FNDC8: variants seen among roughly 807,000 people sequenced by gnomAD.
FNDC8 encodes the protein fibronectin type III domain-containing protein 8.
In FNDC8, 23 loss-of-function variants were observed where a neutral mutation model predicts 24.8. The observed-to-expected ratio is 0.93, with a 90% confidence interval of 0.67 to 1.31. The LOEUF (loss-of-function observed/expected upper bound fraction) is 1.31. Among genes scored for constraint, FNDC8 ranks in the 40% most tolerant of loss-of-function variants. FNDC8 has a pLI of 0.00. For synonymous variants in FNDC8, 158 were observed against 165.3 expected, an observed-to-expected ratio of 0.96 and a Z score of 0.34; for missense variants, 371 against 398.2, an observed-to-expected ratio of 0.93 and a Z score of 0.58.
At position 35,124,328 on chromosome 17, in the gene FNDC8, G is replaced by A. The variant is rs191665748; in HGVS notation, c.209+2426G>A. The stretch of plus-strand genomic sequence containing the variant: ...GCAGACCACGAGGTCAAGAGATCGA[G>A]ACCATCCTGGCCAACATGGTGAAAC... On this transcript the variant is annotated intron_variant, in intron 1 of 3. Coordinates refer to ENST00000158009, the MANE Select transcript of FNDC8 (RefSeq NM_017559.4). Among the ~76,000 whole-genome samples the A allele has an allele frequency of 4.4e-3, 666 of 152,212 alleles. 1 individual carries two copies. The highest frequency in any genetic ancestry group is 7.3e-3 in the Non-Finnish European group (496 of 68,010).
At position 35,122,182 on chromosome 17, in the gene FNDC8, ATATATATATATATATATATATATAT is replaced by A. The variant is rs1262757319; in HGVS notation, c.209+281_209+305del. 6.7e-3 allele frequency among the ~76,000 whole-genome samples: 173 copies of A among 25,712 alleles called. 9 individuals are homozygous for A. Among genetic ancestry groups the A allele is most frequent in the East Asian group, 0.024 (18 of 754 alleles). The allele number at this position is 25,712 out of a possible 152,430, so 16.9% of individuals were successfully genotyped here. A position where few individuals can be genotyped will look rare whatever the true frequency, so the allele number is the denominator to read the frequency against. ...CATATATATATATATATATATATAT[ATATATATATATATATATATATATAT>A]AAATTTTTTTTTTTGGTAGAAACGG... is the stretch of plus-strand genomic sequence containing the variant. On this transcript the variant is annotated intron_variant, in intron 1 of 3. Coordinates refer to ENST00000158009, the MANE Select transcript of FNDC8 (RefSeq NM_017559.4).
At chr17:35,128,542 C>G (rs937603007) in intron 2 of FNDC8, among the ~76,000 whole-genome samples, 1 of 152,222 alleles carries the variant, frequency 6.6e-6, no homozygotes, top group African/African-American at 2.4e-5. Context: ...GGTTTGAACA[C>G]TGGCTGTCAC....
Position 35,129,234 on chromosome 17 carries a change from G to C in FNDC8, c.586-188G>C. ...AAAGTGGGTGGGGCTGCCCAGGAGA[G>C]TAGTACATGCTTCGGGGCAGGGGTT... is the stretch of plus-strand genomic sequence containing the variant. On this transcript the variant is annotated intron_variant, in intron 2 of 3. Transcript: ENST00000158009. 4.2e-6 allele frequency: 3 copies of C among 711,684 alleles called. No homozygotes were observed. The South Asian group carries it at 5.3e-5, about 12-fold the overall frequency. The allele number at this position is 711,684 out of a possible 1,614,324, so 44.1% of individuals were successfully genotyped here.
At chr17:35,130,188 C>A (rs1203708974) in intron 3 of FNDC8, 94 bp from the exon 4 acceptor site, 67 of 1,521,060 alleles carry the variant, frequency 4.4e-5, no homozygotes, top group Non-Finnish European at 5.7e-5. Flanking sequence ...AGGTCTGAGT[C>A]AGCAGACAGA....
At position 35,127,133 on chromosome 17, in the gene FNDC8, G is replaced by A. The variant is rs1184922243; in HGVS notation, c.301G>A (p.Ala101Thr). 1 of 1,614,226 alleles carries A rather than the reference G, an allele frequency of 6.2e-7. No individual in the cohort carries two copies. Among genetic ancestry groups the A allele is most frequent in the African/African-American group, 1.3e-5 (1 of 75,066 alleles). ...SSTLLNPIKL[A>T]VTQPNSSFFA... ...CACCTTGCTGAACCCCATCAAATTA[G>A]CTGTGACCCAGCCCAACAGCAGCTT... Residue 101 changes from alanine to threonine, a missense_variant, in exon 2 of 4, where the codon GCT becomes ACT. Physicochemically the swap from Ala to Thr is moderately conservative, Grantham distance 58. Coordinates refer to ENST00000158009, the MANE Select transcript of FNDC8 (RefSeq NM_017559.4).
At chr17:35,126,829 G>T (rs1340025024) in intron 1 of FNDC8, among the ~76,000 whole-genome samples, 2 of 152,206 alleles carry the variant, frequency 1.3e-5, no homozygotes, top group African/African-American at 2.4e-5. Context: ...GGATTCTCTA[G>T]TCCCATGCTA....
chr17:35,125,957 G>C (rs1377987273), intron 1 of FNDC8, among the ~76,000 whole-genome samples: 2 of 152,156 alleles, frequency 1.3e-5, no homozygotes, highest in African/African-American at 4.8e-5. Flanking sequence ...GTCTCACTCT[G>C]TTGCCCAGGC....
At chr17:35,129,912 T>G in intron 3 of FNDC8, 2 of 1,390,392 alleles carry the variant, frequency 1.4e-6, no homozygotes, top group South Asian at 1.6e-5. Flanking sequence ...TCCAAAGCCA[T>G]TGGTTTTTAG....
At chr17:35,128,465 C>T (rs1423808009) in intron 2 of FNDC8, among the ~76,000 whole-genome samples, 2 of 152,228 alleles carry the variant, frequency 1.3e-5, no homozygotes, top group East Asian at 1.9e-4. Context: ...GTTACAAAAT[C>T]TCCCTGAGAT....
chr17:35,128,553 T>C (rs1294943131), intron 2 of FNDC8, among the ~76,000 whole-genome samples: 1 of 152,190 alleles, frequency 6.6e-6, no homozygotes, highest in Non-Finnish European at 1.5e-5. Context: ...TGGCTGTCAC[T>C]TAATTGCCGT....
chr17:35,122,171 T>TGA (rs1208296901), intron 1 of FNDC8, among the ~76,000 whole-genome samples: 2 of 26,748 alleles, frequency 7.5e-5, no homozygotes, highest in Non-Finnish European at 1.2e-4. Flanking sequence ...TATATATATA[T>TGA]ATATATATAT....
At chr17:35,129,891 A>C in intron 3 of FNDC8, 1 of 1,406,248 alleles carries the variant, frequency 7.1e-7, no homozygotes, top group Non-Finnish European at 9.2e-7. Context: ...ACATCACTAT[A>C]ATGTTCCCCT....
chr17:35,122,428 C>T (rs533224847), intron 1 of FNDC8, among the ~76,000 whole-genome samples: 45 of 151,800 alleles, frequency 3.0e-4, no homozygotes, highest in African/African-American at 1.1e-3. Flanking sequence ...TTCCTTGACT[C>T]CCAGAGAAGA....
At chr17:35,129,832 A>G in intron 3 of FNDC8, 174 bp downstream of exon 3, 2 of 1,431,082 alleles carry the variant, frequency 1.4e-6, no homozygotes, top group Admixed American at 2.9e-5. Flanking sequence ...AGGTTTAAGG[A>G]TTAAGCCACT....
At position 35,121,683 on chromosome 17, in the gene FNDC8, G is replaced by A. The variant is rs766750564; in HGVS notation, c.-11G>A. ...CCTGCATGGTGACGGGTGTCATCCCGAACAAATCAGATGGCATCAGAGGCA... is the reference window on the plus strand; with the variant it reads ...CCTGCATGGTGACGGGTGTCATCCCAAACAAATCAGATGGCATCAGAGGCA... On this transcript the variant is annotated 5_prime_UTR_variant, in exon 1 of 4. Coordinates refer to ENST00000158009, the MANE Select transcript of FNDC8 (RefSeq NM_017559.4). 44 of 1,613,648 alleles carry A rather than the reference G, an allele frequency of 2.7e-5. No homozygotes were observed. The highest frequency in any genetic ancestry group is 6.7e-5 in the African/African-American group (5 of 74,888).
At position 35,122,195 on chromosome 17, in the gene FNDC8, TATATATATATATAAA is replaced by T. The variant is rs1567738549; in HGVS notation, c.209+294_209+308del. On this transcript the variant is annotated intron_variant, in intron 1 of 3. Coordinates refer to ENST00000158009, the MANE Select transcript of FNDC8 (RefSeq NM_017559.4). Reference sequence around the variant, plus strand: ...ATATATATATATATATATATATATATATATATATATATAAATTTTTTTTTTTGGTAGAAACGGGGT... The same window carrying T: ...ATATATATATATATATATATATATATTTTTTTTTTTTGGTAGAAACGGGGT... Among the ~76,000 whole-genome samples, 74 of 20,386 alleles carry T rather than the reference TATATATATATATAAA, an allele frequency of 3.6e-3. 2 individuals carry two copies. The highest frequency in any genetic ancestry group is 0.014 in the African/African-American group (54 of 3,916). 13.4% of individuals were successfully genotyped at this position (20,386 alleles called of 152,430 possible).
chr17:35,130,647 C>A lies in FNDC8; in HGVS notation c.*213C>A. 1.8e-6 allele frequency: 1 copy of A among 563,628 alleles called. No individual in the cohort carries two copies. Among genetic ancestry groups the A allele is most frequent in the Non-Finnish European group, 3.1e-6 (1 of 318,700 alleles). 34.9% of individuals were successfully genotyped at this position (563,628 alleles called of 1,614,324 possible). A position where few individuals can be genotyped will look rare whatever the true frequency, so the allele number is the denominator to read the frequency against. ...CAGGCCAGGCCATGCCAGGCTCAGC[C>A]ACTGCCCACAGCTGCTAGACTCCCT... On this transcript the variant is annotated 3_prime_UTR_variant, in exon 4 of 4. Coordinates refer to ENST00000158009, the MANE Select transcript of FNDC8 (RefSeq NM_017559.4).
intron 1 of FNDC8, among the ~76,000 whole-genome samples, chr17:35,122,200 A>ATATATATG (rs2091831599): frequency 6.0e-5 from 1 of 16,588 alleles, no homozygotes; most frequent in Non-Finnish European, 9.2e-5. Context: ...ATATATATAT[A>ATATATATG]TATATATAAA....
intron 1 of FNDC8, among the ~76,000 whole-genome samples, chr17:35,123,763 A>AC (rs1466015786): frequency 5.9e-5 from 9 of 151,954 alleles, no homozygotes; most frequent in African/African-American, 2.2e-4. Flanking sequence ...AACAAAACAA[A>AC]AAAAAAAACA....
Sources: allele counts gnomAD v4.1 joint callset (sites outside exome capture counted in the v4.1 genomes callset), GRCh38; gene constraint gnomAD v4.1.1; transcripts MANE v1.5; gene names NCBI Gene and HGNC (gene_info 2026-07-23, HGNC 2026-07-21).